Variants in STX6 observed in about 807,000 individuals in gnomAD.
STX6 encodes syntaxin-6.
Under a neutral mutation model 38.0 loss-of-function variants are expected in STX6, and 23 were observed. That is an observed-to-expected ratio of 0.60 (90% CI 0.43 to 0.86). STX6 has a LOEUF of 0.86. Among genes scored for constraint, STX6 ranks in the 40% least tolerant of loss-of-function variants. The probability of loss-of-function intolerance (pLI) is 0.00; values close to 1 mark genes in which losing one functional copy is unlikely to be tolerated. For synonymous variants in STX6, 123 were observed against 107.5 expected, an observed-to-expected ratio of 1.14 and a Z score of -0.89; for missense variants, 274 against 312.9, an observed-to-expected ratio of 0.88 and a Z score of 0.94.
At chr1:181,002,062 T>C (rs914801496) in intron 3 of STX6, among the ~76,000 whole-genome samples, 2 of 152,188 alleles carry the variant, frequency 1.3e-5, no homozygotes, top group Non-Finnish European at 2.9e-5. Flanking sequence ...CCCAGCTATT[T>C]GGGAGGCAGA....
chr1:180,998,869 C>A (rs1655991898), intron 3 of STX6, among the ~76,000 whole-genome samples: 1 of 152,212 alleles, frequency 6.6e-6, no homozygotes. Context: ...TTAGAACCAG[C>A]AGTCAAGCAA....
chr1:180,981,417 A>G (rs1655412620), intron 7 of STX6, among the ~76,000 whole-genome samples: 1 of 152,214 alleles, frequency 6.6e-6, no homozygotes, highest in South Asian at 2.1e-4. Flanking sequence ...ATTAGTTGCG[A>G]TTCTTTCAGG....
At chr1:180,986,464 C>T (rs1655587803) in intron 6 of STX6, among the ~76,000 whole-genome samples, 2 of 152,230 alleles carry the variant, frequency 1.3e-5, no homozygotes, top group South Asian at 4.1e-4. Context: ...AACACTTACT[C>T]AACAGCCACA....
intron 7 of STX6, among the ~76,000 whole-genome samples, chr1:180,982,750 T>G (rs1488649432): frequency 2.6e-5 from 4 of 152,216 alleles, no homozygotes; most frequent in Admixed American, 6.5e-5. Context: ...CACCTTTTTT[T>G]TGTTTATTGT....
chr1:181,022,665 C>A lies in STX6; in HGVS notation c.9G>T (p.Met3Ile). Residue 3 changes from methionine to isoleucine, a missense_variant, in exon 1 of 8, where the codon ATG (methionine) becomes ATT (isoleucine). Transcript: ENST00000258301. Reference sequence around the variant, plus strand: ...CTTTCACCACAAAGAAGGGGTCCTCCATGGACATGGCGTCCCGGCCCCGGC... The same window carrying A: ...CTTTCACCACAAAGAAGGGGTCCTCAATGGACATGGCGTCCCGGCCCCGGC... MSMEDPFFVVKGE... is the reference protein window; with the variant it reads MSIEDPFFVVKGE... 1 of 1,610,082 alleles carries A rather than the reference C, an allele frequency of 6.2e-7. No individual in the cohort carries two copies. The highest frequency in any genetic ancestry group is 8.5e-7 in the Non-Finnish European group (1 of 1,178,464).
intron 1 of STX6, among the ~76,000 whole-genome samples, chr1:181,021,947 G>A (rs1026908217): frequency 5.3e-5 from 8 of 152,212 alleles, no homozygotes; most frequent in Admixed American, 2.0e-4. Context: ...AGAAAGCTGA[G>A]GAAAGTTTGG....
chr1:180,974,968 A>G lies in STX6; in HGVS notation c.*1602T>C, dbSNP rs115208889. 6.0e-3 allele frequency: 913 copies of G among 152,762 alleles called. 15 individuals carry two copies. The highest frequency in any genetic ancestry group is 0.021 in the African/African-American group (876 of 41,564). 9.5% of individuals were successfully genotyped at this position (152,762 alleles called of 1,614,324 possible). Reference sequence around the variant, plus strand: ...ATGAGATAAAATATCCTTCTTCAAAAATTGTTAAGAATATTTATTAAAAAG... The same window carrying G: ...ATGAGATAAAATATCCTTCTTCAAAGATTGTTAAGAATATTTATTAAAAAG... On this transcript the variant is annotated 3_prime_UTR_variant, in exon 8 of 8. Transcript: ENST00000258301.
At chr1:181,016,429 T>C (rs1433111977) in intron 1 of STX6, among the ~76,000 whole-genome samples, 2 of 152,226 alleles carry the variant, frequency 1.3e-5, no homozygotes, top group African/African-American at 4.8e-5. Context: ...TGCATAGTGT[T>C]CTCCAAACTA....
At chr1:181,017,105 G>A (rs551874847) in intron 1 of STX6, among the ~76,000 whole-genome samples, 1 of 130,982 alleles carries the variant, frequency 7.6e-6, no homozygotes, top group East Asian at 2.4e-4. Context: ...AACCATCCTC[G>A]GCTGGGCGCA....
At position 180,997,508 on chromosome 1, in the gene STX6, G is replaced by C. The variant is rs188484626; in HGVS notation, c.301-4083C>G. ...AATGAAAATTTCACATCTGAATTGA[G>C]ATATGCTTGAGTGTAAAATACATGC... On this transcript the variant is annotated intron_variant, in intron 3 of 7. Transcript: ENST00000258301. Among the ~76,000 whole-genome samples the C allele has an allele frequency of 1.3e-3, 195 of 152,256 alleles. 2 individuals carry two copies. The highest frequency in any genetic ancestry group is 4.4e-3 in the African/African-American group (181 of 41,558).
At chr1:181,000,152 T>C (rs1353148087) in intron 3 of STX6, among the ~76,000 whole-genome samples, 1 of 152,202 alleles carries the variant, frequency 6.6e-6, no homozygotes, top group Non-Finnish European at 1.5e-5. Flanking sequence ...ACAAGAATGA[T>C]TTAAAACCCT....
intron 4 of STX6, 72 bp from the exon 5 acceptor site, chr1:180,990,181 A>G (rs929505028): frequency 8.3e-6 from 13 of 1,574,500 alleles, no homozygotes; most frequent in Non-Finnish European, 1.0e-5. Flanking sequence ...TGATGCATCA[A>G]GAGTGATATA....
chr1:180,989,346 A>T (rs555994307), intron 5 of STX6: 2 of 152,042 alleles, frequency 1.3e-5, no homozygotes, highest in Admixed American at 1.3e-4. Flanking sequence ...CAAAAAAAAA[A>T]TTAGCTGGGC....
At chr1:180,985,267 A>T (rs1181543754) in intron 6 of STX6, among the ~76,000 whole-genome samples, 1 of 152,232 alleles carries the variant, frequency 6.6e-6, no homozygotes, top group African/African-American at 2.4e-5. Flanking sequence ...ATGCTATCTG[A>T]GGCAGACAAC....
chr1:181,003,858 A>T (rs550512853), intron 2 of STX6, among the ~76,000 whole-genome samples: 1 of 152,362 alleles, frequency 6.6e-6, no homozygotes, highest in Admixed American at 6.5e-5. Context: ...TCACATCAAT[A>T]CCATGAATTA....
intron 1 of STX6, among the ~76,000 whole-genome samples, chr1:181,014,870 C>T (rs1333936564): frequency 6.6e-6 from 1 of 152,150 alleles, no homozygotes; most frequent in Non-Finnish European, 1.5e-5. Flanking sequence ...GAAAATGAAA[C>T]ATCATTTTTA....
At chr1:180,997,802 T>C (rs1655955536) in intron 3 of STX6, among the ~76,000 whole-genome samples, 1 of 152,190 alleles carries the variant, frequency 6.6e-6, no homozygotes, top group African/African-American at 2.4e-5. Flanking sequence ...GAAAAAAAGT[T>C]ACAGATTATC....
At chr1:181,019,410 G>A (rs1022537040) in intron 1 of STX6, among the ~76,000 whole-genome samples, 2 of 151,364 alleles carry the variant, frequency 1.3e-5, no homozygotes, top group South Asian at 4.2e-4. Flanking sequence ...TAATGAAAGA[G>A]AGACAGAGGA....
At chr1:180,992,402 T>C (rs1304537685) in intron 4 of STX6, among the ~76,000 whole-genome samples, 1 of 152,214 alleles carries the variant, frequency 6.6e-6, no homozygotes. Flanking sequence ...TACCCACAGG[T>C]ATGAAGTACT....
Sources: allele counts gnomAD v4.1 joint callset (sites outside exome capture counted in the v4.1 genomes callset), GRCh38; gene constraint gnomAD v4.1.1; transcripts MANE v1.5; gene names NCBI Gene and HGNC (gene_info 2026-07-23, HGNC 2026-07-21).